The following SDK2 variants were observed in gnomAD, a reference collection of about 807,000 sequenced individuals.
SDK2 encodes sidekick cell adhesion molecule 2.
Under a neutral mutation model 253.9 loss-of-function variants are expected in SDK2, and 105 were observed. That is an observed-to-expected ratio of 0.41 (90% CI 0.35 to 0.49). SDK2 has a LOEUF of 0.49. SDK2 is among the 20% of genes least tolerant of loss of function. The pLI is 0.06. For missense variants in SDK2, 2,608 were observed against 3,003.0 expected, an observed-to-expected ratio of 0.87 and a Z score of 3.07; for synonymous variants, 1,249 against 1,234.9, an observed-to-expected ratio of 1.01 and a Z score of -0.24.
At chr17:73,500,708 G>A (rs111164209) in intron 2 of SDK2, among the ~76,000 whole-genome samples, 79,952 of 128,114 alleles carry the variant, frequency 0.62, 23,407 homozygotes, top group East Asian at 0.77. Context: ...TCCTCCTTCC[G>A]TCTCCTCCAT....
At chr17:73,391,605 C>G (rs576082510) in intron 27 of SDK2, 67 bp from the exon 28 acceptor site, 2 of 857,346 alleles carry the variant, frequency 2.3e-6, no homozygotes, top group Non-Finnish European at 3.2e-6. Flanking sequence ...GAGCCCAGCT[C>G]GGGCAGAGCA....
Position 73,401,676 on chromosome 17 carries a change from T to C in SDK2, c.2757A>G (p.Gly919=). 6.3e-7 allele frequency: 1 copy of C among 1,593,630 alleles called. No homozygotes were observed. The stretch of plus-strand genomic sequence containing the variant: ...TACCTGTGAGGATGCCATTTTTCTC[T>C]CCCGGCTCTTGCCAGCTGACCTTCA... ...TSLKVSWQEP[G]EKNGILTGYR... The change falls in exon 20 of 45, where the codon GGA becomes GGG. Residue 919 remains glycine, a synonymous_variant. Coordinates refer to ENST00000392650, the MANE Select transcript of SDK2 (RefSeq NM_001144952.2).
rs927995654 is a variant in SDK2 at position 73,443,162 on chromosome 17, C to T, written c.614-2239G>A. On this transcript the variant is annotated intron_variant, in intron 5 of 44. Transcript: ENST00000392650. The surrounding 1 kb of genome is among the most constrained non-coding windows in gnomAD (Gnocchi z 4.6). ...GGGTTAGGGGCAGGGTGCACAGTGG[C>T]CCCACTGCCCCTCTGGGCCACCTTG... Among the ~76,000 whole-genome samples the T allele has an allele frequency of 2.0e-5, 3 of 152,136 alleles. No individual in the cohort carries two copies. Among genetic ancestry groups the T allele is most frequent in the African/African-American group, 7.2e-5 (3 of 41,420 alleles).
chr17:73,472,634 A>G (rs1192937435), intron 2 of SDK2, among the ~76,000 whole-genome samples: 1 of 152,190 alleles, frequency 6.6e-6, no homozygotes, highest in Non-Finnish European at 1.5e-5. Flanking sequence ...GATGGAGGTG[A>G]CAGAGACAGG....
chr17:73,482,523 C>T (rs1475682571), intron 2 of SDK2, among the ~76,000 whole-genome samples: 2 of 152,252 alleles, frequency 1.3e-5, no homozygotes, highest in East Asian at 1.9e-4. Context: ...CCCGGCCCTG[C>T]GGTCAATGAG....
chr17:73,627,817 GATT>G, intron 1 of SDK2, among the ~76,000 whole-genome samples: 2 of 152,200 alleles, frequency 1.3e-5, no homozygotes, highest in African/African-American at 4.8e-5. Flanking sequence ...GGGAGGCCGA[GATT>G]GGGCGGATCA....
chr17:73,559,408 A>G (rs73996385), intron 1 of SDK2, among the ~76,000 whole-genome samples: 21,700 of 152,274 alleles, frequency 0.14, 1,786 homozygotes, highest in African/African-American at 0.21. Context: ...AATGGAATAG[A>G]CGATATAACA....
At position 73,608,915 on chromosome 17, in the gene SDK2, G is replaced by T. The variant is rs149159022; in HGVS notation, c.64+35110C>A. On this transcript the variant is annotated intron_variant, in intron 1 of 44. Coordinates refer to ENST00000392650, the MANE Select transcript of SDK2 (RefSeq NM_001144952.2). Reference sequence around the variant, plus strand: ...AGATGATGGTGGCTGGCACCGTGTCGCAGCGGAGAAGGATGATGAGAAGCA... The same window carrying T: ...AGATGATGGTGGCTGGCACCGTGTCTCAGCGGAGAAGGATGATGAGAAGCA... 1.3e-3 allele frequency among the ~76,000 whole-genome samples: 198 copies of T among 152,302 alleles called. 1 individual carries two copies. Among genetic ancestry groups the T allele is most frequent in the African/African-American group, 4.3e-3 (179 of 41,570 alleles).
At chr17:73,590,046 C>T (rs2045660976) in intron 1 of SDK2, among the ~76,000 whole-genome samples, 1 of 152,238 alleles carries the variant, frequency 6.6e-6, no homozygotes, top group South Asian at 2.1e-4. Context: ...AGAAAGGATA[C>T]AGCCAGTTAC....
At chr17:73,578,316 C>T (rs1195511596) in intron 1 of SDK2, among the ~76,000 whole-genome samples, 1 of 152,152 alleles carries the variant, frequency 6.6e-6, no homozygotes, top group Admixed American at 6.5e-5. Context: ...CTGCCCGCCT[C>T]GGCCTCCCAA....
intron 1 of SDK2, among the ~76,000 whole-genome samples, chr17:73,598,627 G>T (rs1182725902): frequency 6.6e-6 from 1 of 150,618 alleles, no homozygotes; most frequent in Non-Finnish European, 1.5e-5. Flanking sequence ...AAGCTGCCCA[G>T]TAAGTGTGAG....
rs920754222 is a variant in SDK2, at chr17:73,435,155, G to A, written c.1195+295C>T. On this transcript the variant is annotated intron_variant, in intron 9 of 44. Transcript: ENST00000392650. The surrounding 1 kb of genome is among the most constrained non-coding windows in gnomAD (Gnocchi z 5.7). ...AGTCGCAGTGCCAGAGCTGGTACCC[G>A]TGGTTGGTTTCATAGCTCCTTTTCT... is the stretch of plus-strand genomic sequence containing the variant. Among the ~76,000 whole-genome samples, 1 of 152,322 alleles carries A rather than the reference G, an allele frequency of 6.6e-6. No individual in the cohort carries two copies. The highest frequency in any genetic ancestry group is 1.5e-5 in the Non-Finnish European group (1 of 68,030).
At chr17:73,568,271 T>C (rs1454662492) in intron 1 of SDK2, among the ~76,000 whole-genome samples, 2 of 152,186 alleles carry the variant, frequency 1.3e-5, no homozygotes, top group African/African-American at 4.8e-5. Context: ...TTTTTCTCTA[T>C]GTGACACAAC....
intron 36 of SDK2, 76 bp from the exon 37 acceptor site, chr17:73,368,669 T>C: frequency 1.6e-6 from 2 of 1,250,754 alleles, no homozygotes; most frequent in Non-Finnish European, 2.2e-6. Context: ...TGACCTGTAG[T>C]CTCAGAGACA....
At chr17:73,456,634 AGT>A (rs2063527559) in intron 3 of SDK2, among the ~76,000 whole-genome samples, 2 of 152,146 alleles carry the variant, frequency 1.3e-5, no homozygotes, top group South Asian at 4.2e-4. Flanking sequence ...TGTAGTGTGT[AGT>A]GTGTGAGTTT....
intron 2 of SDK2, 66 bp downstream of exon 2, chr17:73,507,372 A>G (rs2063944224): frequency 1.4e-6 from 2 of 1,467,894 alleles, no homozygotes; most frequent in Non-Finnish European, 1.8e-6. Flanking sequence ...CCTCCTCACC[A>G]TGCCCTCTTC....
chr17:73,470,023 C>CACACACACACAT (rs1555585178), intron 3 of SDK2, among the ~76,000 whole-genome samples: 2 of 151,174 alleles, frequency 1.3e-5, no homozygotes, highest in South Asian at 2.1e-4. Flanking sequence ...CACACACACA[C>CACACACACACAT]ACACACACAC....
rs1272603118 is a variant in SDK2 at position 73,644,023 on chromosome 17, A to T, written c.64+2T>A. The T allele has an allele frequency of 6.7e-7, 1 of 1,491,732 alleles. No individual in the cohort carries two copies. The highest frequency in any genetic ancestry group is 2.1e-5 in the Admixed American group (1 of 48,126). The allele number at this position is 1,491,732 out of a possible 1,614,324, so 92.4% of individuals were successfully genotyped here. On this transcript the variant is annotated splice_donor_variant, in intron 1 of 44. Coordinates refer to ENST00000392650, the MANE Select transcript of SDK2 (RefSeq NM_001144952.2). LOFTEE classifies it high-confidence loss of function. This position sits in a 1 kb window ranked among gnomAD's most constrained non-coding sequence, Gnocchi z 6.3. ...TGTCCCCACGTGGGGGTCCCTCCTT[A>T]CCTTGGGCTCTGGCCGCGCGGATCT... is the stretch of plus-strand genomic sequence containing the variant.
intron 1 of SDK2, among the ~76,000 whole-genome samples, chr17:73,577,899 T>G (rs1229985694): frequency 6.6e-6 from 1 of 152,084 alleles, no homozygotes; most frequent in African/African-American, 2.4e-5. Context: ...TATCCTGAAT[T>G]CTGAGTGGGA....
Sources: allele counts gnomAD v4.1 joint callset (sites outside exome capture counted in the v4.1 genomes callset), GRCh38; gene constraint gnomAD v4.1.1; non-coding constraint Gnocchi (gnomAD v3.1); transcripts MANE v1.5; gene names NCBI Gene and HGNC (gene_info 2026-07-23, HGNC 2026-07-21).